MIPEP: variants seen among roughly 807,000 people sequenced by gnomAD.
MIPEP encodes mitochondrial intermediate peptidase.
In MIPEP, 79 loss-of-function variants were observed where a neutral mutation model predicts 90.3. The observed-to-expected ratio is 0.87, with a 90% CI of 0.73 to 1.05. The LOEUF (loss-of-function observed/expected upper bound fraction) is 1.05, where lower values mean the gene tolerates loss of function less well. Ranked by LOEUF, MIPEP falls within the 50% of genes least tolerant of loss-of-function variation. The pLI is 0.00. For synonymous variants in MIPEP, 334 were observed against 315.8 expected, an observed-to-expected ratio of 1.06 and a Z score of -0.61; for missense variants, 940 against 905.6, an observed-to-expected ratio of 1.04 and a Z score of -0.49.
At chr13:23,877,494 AAACAGGTTTCT>A (rs1459087211) in intron 4 of MIPEP, among the ~76,000 whole-genome samples, 1 of 152,206 alleles carries the variant, frequency 6.6e-6, no homozygotes, top group African/African-American at 2.4e-5. Flanking sequence ...ACCCCAAGTT[AAACAGGTTTCT>A]TTATGGCCTG....
intron 16 of MIPEP, among the ~76,000 whole-genome samples, chr13:23,774,378 T>C (rs961067788): frequency 3.9e-5 from 6 of 152,316 alleles, no homozygotes; most frequent in African/African-American, 1.4e-4. Context: ...AAGATTGTTT[T>C]GGCTATTCTG....
At chr13:23,872,221 G>A (rs1870841655) in intron 5 of MIPEP, among the ~76,000 whole-genome samples, 1 of 152,186 alleles carries the variant, frequency 6.6e-6, no homozygotes, top group South Asian at 2.1e-4. Context: ...CAGAACTTTG[G>A]GAGGCTGAGG....
At chr13:23,880,435 G>A (rs1463560971) in intron 3 of MIPEP, among the ~76,000 whole-genome samples, 1 of 152,218 alleles carries the variant, frequency 6.6e-6, no homozygotes, top group African/African-American at 2.4e-5. Context: ...AAATCTCCCA[G>A]TAGTATGTTT....
At chr13:23,755,206 T>A (rs950013240) in intron 18 of MIPEP, among the ~76,000 whole-genome samples, 5 of 152,248 alleles carry the variant, frequency 3.3e-5, no homozygotes, top group African/African-American at 1.2e-4. Context: ...TTCACAAAGC[T>A]GATGGAATGA....
In MIPEP at chr13:23,889,143, C is replaced by G; in HGVS notation, c.178G>C (p.Gly60Arg). Residue 60 changes from glycine (G) to arginine (R), a missense_variant, in exon 1 of 19, where the codon GGC (glycine) becomes CGC (arginine). By Grantham distance (125) the Gly-to-Arg change is moderately radical (BLOSUM62 -2). Transcript: ENST00000382172. The stretch of plus-strand genomic sequence containing the variant: ...CCTGCGCCGCTCACCCGGCGCTCGC[C>G]GAACAGGTCCAAGCGGCTGCCCTGG... ...KPQGSRLDLF[G>R]ERRGLFGVPE... The G allele has an allele frequency of 7.0e-7, 1 of 1,436,072 alleles. No individual in the cohort carries two copies. Among genetic ancestry groups the G allele is most frequent in the Non-Finnish European group, 9.1e-7 (1 of 1,095,594 alleles). 89.0% of individuals were successfully genotyped at this position (1,436,072 alleles called of 1,614,324 possible).
Position 23,753,235 on chromosome 13 carries a change from A to AT in MIPEP, c.2044+3309_2044+3310insA, listed in dbSNP as rs1475115819. On this transcript the variant is annotated intron_variant, in intron 18 of 18. Coordinates refer to ENST00000382172, the MANE Select transcript of MIPEP (RefSeq NM_005932.4). ...AGAGACTCCATCTCAAAAAAAAAAAAAAAAATAATAATAATAATAAGACAA... is the reference window on the plus strand; with the variant it reads ...AGAGACTCCATCTCAAAAAAAAAAAATAAAAATAATAATAATAATAAGACAA... 2.7e-3 allele frequency among the ~76,000 whole-genome samples: 401 copies of AT among 148,344 alleles called. 2 individuals are homozygous for AT. Among genetic ancestry groups the AT allele is most frequent in the African/African-American group, 9.4e-3 (379 of 40,186 alleles).
At chr13:23,803,971 A>T (rs1953077515) in intron 16 of MIPEP, among the ~76,000 whole-genome samples, 4 of 152,206 alleles carry the variant, frequency 2.6e-5, no homozygotes, top group Admixed American at 1.3e-4. Flanking sequence ...ATGGCTACTG[A>T]ACGTGAATTG....
chr13:23,801,519 A>T (rs534611430), intron 16 of MIPEP, among the ~76,000 whole-genome samples: 1 of 152,310 alleles, frequency 6.6e-6, no homozygotes, highest in Admixed American at 6.5e-5. Context: ...AAAGTCATCA[A>T]CCATGTACCC....
chr13:23,886,445 G>C lies in MIPEP; in HGVS notation c.251C>G (p.Ala84Gly), dbSNP rs1209176497. 1 of 1,606,950 alleles carries C rather than the reference G, an allele frequency of 6.2e-7. No homozygotes were observed. Among genetic ancestry groups the C allele is most frequent in the African/African-American group, 1.3e-5 (1 of 74,596 alleles). ...CACAAGCAATTCTGTCTTTCTCAAG[G>C]CTTTTTCTTGTGCAATATGAAATCC... is the stretch of plus-strand genomic sequence containing the variant. ...PEGFHIAQEK[A>G]LRKTELLVDR... Residue 84 changes from alanine to glycine, a missense_variant, in exon 2 of 19, where the codon GCC (alanine) becomes GGC (glycine). Coordinates refer to ENST00000382172, the MANE Select transcript of MIPEP (RefSeq NM_005932.4).
At chr13:23,868,485 T>A (rs1870640867) in intron 7 of MIPEP, among the ~76,000 whole-genome samples, 2 of 152,160 alleles carry the variant, frequency 1.3e-5, no homozygotes, top group Non-Finnish European at 2.9e-5. Context: ...GGATTCAGGT[T>A]GTGATCTGCC....
In MIPEP at chr13:23,830,503, C is replaced by T. The variant is rs1024336634; in HGVS notation, c.1653+5737G>A. Among the ~76,000 whole-genome samples the T allele has an allele frequency of 2.0e-5, 3 of 152,226 alleles. No individual in the cohort carries two copies. The East Asian group carries it at 5.8e-4, about 29-fold the overall frequency. The stretch of plus-strand genomic sequence containing the variant: ...TTTTACTTCTCAGGTTGGAGAATGG[C>T]TTCATAGCTGTTCTTTCTACAAATA... On this transcript the variant is annotated intron_variant, in intron 14 of 18. Transcript: ENST00000382172.
intron 3 of MIPEP, 35 bp from the exon 4 acceptor site, chr13:23,879,389 T>A: frequency 9.2e-7 from 1 of 1,082,100 alleles, no homozygotes; most frequent in Non-Finnish European, 1.4e-6. Context: ...ATTAGATGAT[T>A]TTCTAATACC....
intron 18 of MIPEP, among the ~76,000 whole-genome samples, chr13:23,734,183 C>T (rs1952234958): frequency 2.0e-5 from 3 of 152,158 alleles, no homozygotes; most frequent in Admixed American, 6.5e-5. Context: ...TAGCCTATCA[C>T]GCCATTTCTT....
At chr13:23,871,990 G>A (rs1227976974) in intron 5 of MIPEP, among the ~76,000 whole-genome samples, 1 of 152,096 alleles carries the variant, frequency 6.6e-6, no homozygotes, top group Non-Finnish European at 1.5e-5. Context: ...AATCAAAACT[G>A]AGTTCATGCC....
chr13:23,746,591 C>A (rs1952386236), intron 18 of MIPEP, among the ~76,000 whole-genome samples: 1 of 148,078 alleles, frequency 6.8e-6, no homozygotes. Context: ...CTGAGATCAC[C>A]TCACTGCACT....
intron 14 of MIPEP, among the ~76,000 whole-genome samples, chr13:23,812,097 G>C (rs1566002346): frequency 6.6e-6 from 1 of 152,002 alleles, no homozygotes; most frequent in Non-Finnish European, 1.5e-5. Context: ...TAGGCACAAG[G>C]GGCACAAACA....
intron 16 of MIPEP, among the ~76,000 whole-genome samples, chr13:23,790,565 A>G (rs1952888150): frequency 7.4e-6 from 1 of 135,406 alleles, no homozygotes; most frequent in South Asian, 3.0e-4. Context: ...GGGTCCTTAT[A>G]AAAGAAAAGC....
chr13:23,869,824 A>G (rs538970401), intron 6 of MIPEP, among the ~76,000 whole-genome samples, 189 bp downstream of exon 6: 1 of 152,378 alleles, frequency 6.6e-6, no homozygotes, highest in South Asian at 2.1e-4. Flanking sequence ...TGTATGAAAT[A>G]TAAGTAATTA....
chr13:23,806,211 T>G, intron 15 of MIPEP, 142 bp from the exon 16 acceptor site: 2 of 822,452 alleles, frequency 2.4e-6, no homozygotes, highest in Non-Finnish European at 4.0e-6. Flanking sequence ...TTACATGGTT[T>G]GAAATGTATT....
Sources: gnomAD v4.1 joint callset for allele counts (sites outside exome capture counted in the v4.1 genomes callset) on GRCh38, gnomAD v4.1.1 for gene constraint, MANE v1.5 for transcripts, NCBI Gene and HGNC (gene_info 2026-07-23, HGNC 2026-07-21) for gene names.